PCCA: variants seen among roughly 807,000 people sequenced by gnomAD.
PCCA encodes the protein propionyl-CoA carboxylase alpha chain, mitochondrial.
PCCA carries 74 observed loss-of-function variants against 101.3 expected under a neutral mutation model. The observed-to-expected ratio is 0.73, with a 90% CI of 0.61 to 0.89. The LOEUF (loss-of-function observed/expected upper bound fraction) is 0.89. Among genes scored for constraint, PCCA ranks in the 40% least tolerant of loss-of-function variants. The probability of loss-of-function intolerance (pLI) is 0.00; values close to 1 mark genes in which losing one functional copy is unlikely to be tolerated. For missense variants in PCCA, 891 were observed against 907.0 expected (o/e 0.98, Z 0.23); for synonymous variants, 294 against 313.6 (o/e 0.94, Z 0.66).
At chr13:100,390,504 G>A (rs2076748711) in intron 19 of PCCA, among the ~76,000 whole-genome samples, 1 of 152,094 alleles carries the variant, frequency 6.6e-6, no homozygotes, top group South Asian at 2.1e-4. Context: ...AGTAGAAAAG[G>A]GAAGAGGACC....
intron 21 of PCCA, among the ~76,000 whole-genome samples, chr13:100,501,074 G>T (rs1370560296): frequency 6.6e-6 from 1 of 152,066 alleles, no homozygotes. Flanking sequence ...CCTGGGAGGC[G>T]GAGGTTGCAG....
chr13:100,136,361 T>C (rs989462329), intron 4 of PCCA, among the ~76,000 whole-genome samples: 2 of 151,922 alleles, frequency 1.3e-5, no homozygotes, highest in Non-Finnish European at 2.9e-5. Flanking sequence ...AATTTTTGTA[T>C]TTTTAGTAGA....
At chr13:100,102,295 G>A (rs762591225) in intron 1 of PCCA, among the ~76,000 whole-genome samples, 28 of 151,974 alleles carry the variant, frequency 1.8e-4, no homozygotes, top group Admixed American at 1.6e-3. Context: ...CTGTACCACC[G>A]TGCCTGGCTT....
chr13:100,225,593 A>C (rs918150330), intron 7 of PCCA, among the ~76,000 whole-genome samples: 2 of 152,166 alleles, frequency 1.3e-5, no homozygotes, highest in African/African-American at 2.4e-5. Context: ...AAAAACAAAA[A>C]CCAAAAAATT....
chr13:100,248,637 T>C (rs73573238), intron 8 of PCCA, among the ~76,000 whole-genome samples: 3,686 of 152,308 alleles, frequency 0.024, 153 homozygotes, highest in African/African-American at 0.084. Flanking sequence ...AATTTTTCAA[T>C]TGGGTGGTTT....
intron 12 of PCCA, among the ~76,000 whole-genome samples, chr13:100,284,084 C>T (rs569088184): frequency 0.044 from 4,542 of 102,450 alleles, no homozygotes; most frequent in Middle Eastern, 0.15. Flanking sequence ...GACACTGGCA[C>T]GGCCTTCTCA....
rs1019741594 is a variant in PCCA, at chr13:100,111,742, A to G, written c.184-99A>G. 9 of 729,680 alleles carry G rather than the reference A, an allele frequency of 1.2e-5. No homozygotes were observed. In the Admixed American group the frequency reaches 1.9e-4, roughly 15 times the overall value. The allele number at this position is 729,680 out of a possible 1,614,324, so 45.2% of individuals were successfully genotyped here. A position where few individuals can be genotyped will look rare whatever the true frequency, so the allele number is the denominator to read the frequency against. On this transcript the variant is annotated intron_variant, in intron 2 of 23. Coordinates refer to ENST00000376285, the MANE Select transcript of PCCA (RefSeq NM_000282.4). ...CTAGGAAGTAATGTTTATTAGGGTT[A>G]TATTCAGTGTTGATGTTGGAAAAAC...
chr13:100,231,107 G>A (rs573557819), intron 7 of PCCA, among the ~76,000 whole-genome samples: 2 of 152,320 alleles, frequency 1.3e-5, no homozygotes, highest in South Asian at 2.1e-4. Context: ...GAGATCCCCT[G>A]TTGTCACATG....
chr13:100,171,535 G>T (rs1400401082), intron 6 of PCCA, among the ~76,000 whole-genome samples: 1 of 152,104 alleles, frequency 6.6e-6, no homozygotes, highest in African/African-American at 2.4e-5. Flanking sequence ...GTCAAGTCAA[G>T]GACTTTTACT....
chr13:100,519,460 C>T (rs976491261), intron 22 of PCCA, among the ~76,000 whole-genome samples: 5 of 152,348 alleles, frequency 3.3e-5, no homozygotes, highest in South Asian at 2.1e-4. Context: ...GCCTTAAAGG[C>T]GAGAAACAGC....
intron 7 of PCCA, among the ~76,000 whole-genome samples, chr13:100,218,344 GT>G (rs74359948): frequency 0.34 from 45,842 of 136,254 alleles, 7,397 homozygotes; most frequent in African/African-American, 0.37. Flanking sequence ...GCTATGGGTT[GT>G]TTTTTTTTTT....
intron 6 of PCCA, among the ~76,000 whole-genome samples, chr13:100,183,652 C>T (rs1041893842): frequency 1.3e-5 from 2 of 152,074 alleles, no homozygotes; most frequent in African/African-American, 4.8e-5. Flanking sequence ...ATGGGACACA[C>T]AGGTGGAGGG....
At chr13:100,101,821 G>T (rs1225844853) in intron 1 of PCCA, among the ~76,000 whole-genome samples, 1 of 151,910 alleles carries the variant, frequency 6.6e-6, no homozygotes, top group Non-Finnish European at 1.5e-5. Flanking sequence ...CAGTCTGGTC[G>T]CAAACTCCTG....
At chr13:100,358,341 A>T (rs1427643520) in intron 18 of PCCA, among the ~76,000 whole-genome samples, 4 of 152,226 alleles carry the variant, frequency 2.6e-5, no homozygotes, top group African/African-American at 9.6e-5. Context: ...GCAATCTAAG[A>T]ATAAAGACAA....
At chr13:100,417,111 G>T (rs1595823283) in intron 19 of PCCA, among the ~76,000 whole-genome samples, 1 of 152,288 alleles carries the variant, frequency 6.6e-6, no homozygotes, top group East Asian at 1.9e-4. Context: ...CCAAAGTGCT[G>T]GGATTACAGG....
intron 19 of PCCA, among the ~76,000 whole-genome samples, chr13:100,380,545 T>C (rs2076167333): frequency 6.6e-6 from 1 of 152,198 alleles, no homozygotes; most frequent in Non-Finnish European, 1.5e-5. Context: ...ATATGGTCAA[T>C]TGATCTTTGA....
intron 19 of PCCA, among the ~76,000 whole-genome samples, chr13:100,383,559 A>G (rs999276316): frequency 2.0e-5 from 3 of 151,938 alleles, no homozygotes; most frequent in Non-Finnish European, 2.9e-5. Flanking sequence ...GCAGTGAGCC[A>G]TGATTGCACC....
At chr13:100,346,963 T>C (rs978900679) in intron 18 of PCCA, among the ~76,000 whole-genome samples, 3 of 152,008 alleles carry the variant, frequency 2.0e-5, no homozygotes, top group South Asian at 4.2e-4. Flanking sequence ...AACCTCCGCC[T>C]CCTGTGTTCA....
At chr13:100,154,044 C>CT (rs10714550) in intron 4 of PCCA, among the ~76,000 whole-genome samples, 15 of 147,618 alleles carry the variant, frequency 1.0e-4, no homozygotes, top group African/African-American at 2.0e-4. Flanking sequence ...CCACCTTTGA[C>CT]TTTTTTTTTT....
Sources: allele counts gnomAD v4.1 joint callset (sites outside exome capture counted in the v4.1 genomes callset), GRCh38; gene constraint gnomAD v4.1.1; transcripts MANE v1.5; gene names NCBI Gene and HGNC (gene_info 2026-07-23, HGNC 2026-07-21).